BRINP3: variants seen among roughly 807,000 people sequenced by gnomAD.
BRINP3 encodes BMP/retinoic acid inducible neural specific 3.
In BRINP3, 19 loss-of-function variants were observed where a neutral mutation model predicts 71.0. That is an observed-to-expected ratio of 0.27 (90% CI 0.19 to 0.39). The LOEUF is 0.39. BRINP3 is among the 10% of genes least tolerant of loss of function. BRINP3 has a pLI of 1.00. For missense variants in BRINP3, 959 were observed against 940.8 expected (o/e 1.02, Z -0.25); for synonymous variants, 380 against 337.7 (o/e 1.13, Z -1.37).
intron 4 of BRINP3, among the ~76,000 whole-genome samples, chr1:190,252,649 C>A (rs926387641): frequency 6.6e-6 from 1 of 152,056 alleles, no homozygotes; most frequent in African/African-American, 2.4e-5. Flanking sequence ...CATTTAATTT[C>A]AATTAGCATT....
rs1390975372 is a variant in BRINP3, at chr1:190,445,547, C to A, written c.236+9108G>T. On this transcript the variant is annotated intron_variant, in intron 2 of 7. Transcript: ENST00000367462. ...TTTGATTTAAGTATACACACGCATA[C>A]ACACACGCACGTGCATAACACATAC... 2.0e-5 allele frequency among the ~76,000 whole-genome samples: 3 copies of A among 150,330 alleles called. No individual in the cohort carries two copies. In the Admixed American group the frequency reaches 2.0e-4, roughly 10 times the overall value.
intron 2 of BRINP3, among the ~76,000 whole-genome samples, chr1:190,317,615 C>T (rs900586286): frequency 6.6e-6 from 1 of 150,910 alleles, no homozygotes; most frequent in Admixed American, 6.7e-5. Context: ...ATAATAGTTT[C>T]CCAGTTCTTA....
At chr1:190,196,045 C>T (rs1278160333) in intron 6 of BRINP3, among the ~76,000 whole-genome samples, 1 of 152,082 alleles carries the variant, frequency 6.6e-6, no homozygotes, top group East Asian at 1.9e-4. Flanking sequence ...TGTATAGAAG[C>T]TGTCCTATTT....
rs150935621 is a variant in BRINP3, at chr1:190,383,690, C to T, written c.236+70965G>A. On this transcript the variant is annotated intron_variant, in intron 2 of 7. Transcript: ENST00000367462. ...GGTAAAGTTACTCAGTATTTCCCAG[C>T]TCTATTTTTCTTAGCATAGATAGTC... Among the ~76,000 whole-genome samples the T allele has an allele frequency of 4.0e-4, 61 of 152,034 alleles. 1 individual carries two copies. The East Asian group carries it at 0.011, about 29-fold the overall frequency.
chr1:190,350,692 G>A (rs575560179), intron 2 of BRINP3, among the ~76,000 whole-genome samples: 2 of 151,974 alleles, frequency 1.3e-5, no homozygotes, highest in Non-Finnish European at 2.9e-5. Flanking sequence ...AGAAAATATG[G>A]CAGAATTTGG....
At chr1:190,368,512 G>C (rs955854261) in intron 2 of BRINP3, among the ~76,000 whole-genome samples, 2 of 152,076 alleles carry the variant, frequency 1.3e-5, no homozygotes, top group African/African-American at 4.8e-5. Context: ...CCCATCAAGA[G>C]TTTTGCCTAG....
chr1:190,234,383 A>T lies in BRINP3; in HGVS notation c.713T>A (p.Ile238Asn), dbSNP rs759993097. The change falls in exon 5 of 8, where the codon ATT becomes AAT. Residue 238 changes from isoleucine to asparagine, a missense_variant. Ile to Asn is a moderately radical substitution (Grantham distance 149, BLOSUM62 -3). Transcript: ENST00000367462. ...TTTTACCAACATACCTTGCAACTGA[A>T]TCTTATTCTCAGGACTCTGAACCAG... is the stretch of plus-strand genomic sequence containing the variant. ...SVLVQSPENK[I>N]QLQGLQVLLP... is the part of the protein sequence containing the mutation. The T allele has an allele frequency of 2.5e-6, 4 of 1,609,452 alleles. No individual in the cohort carries two copies. In the South Asian group the frequency reaches 4.4e-5, roughly 18 times the overall value.
intron 2 of BRINP3, among the ~76,000 whole-genome samples, chr1:190,357,401 G>A (rs1668804698): frequency 6.6e-6 from 1 of 151,894 alleles, no homozygotes; most frequent in African/African-American, 2.4e-5. Context: ...TTACTTAACT[G>A]TCTACATGTG....
Position 190,240,106 on chromosome 1 carries a change from A to G in BRINP3, c.619-5629T>C, listed in dbSNP as rs1658917397. On this transcript the variant is annotated intron_variant, in intron 4 of 7. Transcript: ENST00000367462. The stretch of plus-strand genomic sequence containing the variant: ...CTAGGAACTAACTTGACTAGGAACT[A>G]ACAGGTTAATATCCATATTTCATTT... 2.0e-5 allele frequency among the ~76,000 whole-genome samples: 3 copies of G among 151,964 alleles called. No individual in the cohort carries two copies. In the South Asian group the frequency reaches 6.2e-4, roughly 32 times the overall value.
intron 6 of BRINP3, among the ~76,000 whole-genome samples, chr1:190,177,329 ATTTTTTTTTTT>A (rs11307442): frequency 1.0e-5 from 1 of 98,726 alleles, no homozygotes. Flanking sequence ...TGCCTGGATA[ATTTTTTTTTTT>A]TTTTTTTTTT....
chr1:190,284,632 A>G (rs1022171000), intron 2 of BRINP3, among the ~76,000 whole-genome samples: 3 of 152,076 alleles, frequency 2.0e-5, no homozygotes, highest in African/African-American at 7.2e-5. Flanking sequence ...AACTTTCCAG[A>G]GAGCTTCCTT....
intron 4 of BRINP3, among the ~76,000 whole-genome samples, chr1:190,239,419 T>G (rs1322212948): frequency 6.6e-6 from 1 of 152,138 alleles, no homozygotes; most frequent in African/African-American, 2.4e-5. Flanking sequence ...TTGCCTAATC[T>G]TGAACTTCCA....
intron 2 of BRINP3, among the ~76,000 whole-genome samples, chr1:190,407,589 C>A (rs1460551368): frequency 6.6e-6 from 1 of 151,996 alleles, no homozygotes; most frequent in African/African-American, 2.4e-5. Context: ...AACAATGTAC[C>A]ATTAAATTTA....
chr1:190,211,436 A>T (rs1391221108), intron 6 of BRINP3, among the ~76,000 whole-genome samples: 1 of 152,114 alleles, frequency 6.6e-6, no homozygotes, highest in Non-Finnish European at 1.5e-5. Context: ...TTACAATGAC[A>T]TTCTTAGAGA....
At chr1:190,164,645 G>A (rs557937791) in intron 6 of BRINP3, among the ~76,000 whole-genome samples, 4 of 152,220 alleles carry the variant, frequency 2.6e-5, no homozygotes, top group Middle Eastern at 3.4e-3. Context: ...GGCTGAAGTA[G>A]GGTGGCATGA....
intron 7 of BRINP3, among the ~76,000 whole-genome samples, chr1:190,100,745 C>A (rs956033696): frequency 1.3e-5 from 2 of 152,114 alleles, no homozygotes; most frequent in African/African-American, 4.8e-5. Context: ...AAAAATAAAT[C>A]AAATCTAAGC....
chr1:190,456,343 A>G (rs1273955652), intron 1 of BRINP3, among the ~76,000 whole-genome samples: 3 of 152,212 alleles, frequency 2.0e-5, no homozygotes, highest in Non-Finnish European at 2.9e-5. Context: ...CCTCAATCAT[A>G]TGAGTTGCTC....
intron 6 of BRINP3, among the ~76,000 whole-genome samples, chr1:190,176,387 T>C (rs2102516833): frequency 6.6e-6 from 1 of 152,228 alleles, no homozygotes; most frequent in East Asian, 1.9e-4. Flanking sequence ...AATACCAATA[T>C]TAATGTTGGA....
intron 2 of BRINP3, among the ~76,000 whole-genome samples, chr1:190,386,076 T>C (rs1670876727): frequency 9.1e-6 from 1 of 109,772 alleles, no homozygotes; most frequent in African/African-American, 3.6e-5. Flanking sequence ...CTCTGGGGAC[T>C]GTTGTGGGGT....
Sources: allele counts gnomAD v4.1 joint callset (sites outside exome capture counted in the v4.1 genomes callset), GRCh38; gene constraint gnomAD v4.1.1; transcripts MANE v1.5; gene names NCBI Gene and HGNC (gene_info 2026-07-23, HGNC 2026-07-21).